SORCS1: variants seen among roughly 807,000 people sequenced by gnomAD.
The protein encoded by SORCS1 is sortilin related VPS10 domain containing receptor 1, also known as VPS10 domain-containing receptor SorCS1.
In SORCS1, 60 loss-of-function variants were observed where a neutral mutation model predicts 146.1. The observed-to-expected ratio is 0.41, with a 90% CI of 0.33 to 0.51. The LOEUF (loss-of-function observed/expected upper bound fraction) is 0.51. Ranked by LOEUF, SORCS1 falls within the 20% of genes least tolerant of loss-of-function variation. The probability of loss-of-function intolerance (pLI) is 0.21; values close to 1 mark genes in which losing one functional copy is unlikely to be tolerated. For synonymous variants in SORCS1, 637 were observed against 584.0 expected, an observed-to-expected ratio of 1.09 and a Z score of -1.31; for missense variants, 1,352 against 1,487.6, an observed-to-expected ratio of 0.91 and a Z score of 1.50.
intron 3 of SORCS1, among the ~76,000 whole-genome samples, chr10:106,797,063 C>T (rs548144723): frequency 6.6e-4 from 100 of 152,182 alleles, no homozygotes; most frequent in South Asian, 1.2e-3. Flanking sequence ...GCCGGGATCA[C>T]GCCACTGCAC....
At chr10:106,834,118 C>T (rs940331931) in intron 2 of SORCS1, among the ~76,000 whole-genome samples, 14 of 152,160 alleles carry the variant, frequency 9.2e-5, no homozygotes, top group African/African-American at 3.4e-4. Context: ...TAGTGCCCCT[C>T]TGTAAGTCCT....
chr10:106,614,094 A>T (rs1252776031), intron 21 of SORCS1, among the ~76,000 whole-genome samples: 1 of 152,180 alleles, frequency 6.6e-6, no homozygotes, highest in Non-Finnish European at 1.5e-5. Flanking sequence ...ATATAACCTC[A>T]ATCAGGATGA....
chr10:107,164,161 C>A lies in SORCS1; in HGVS notation c.366G>T (p.Glu122Asp), dbSNP rs79605277. ...GADQEKAERG[E>D]GASRSPRGVL... ...CTCCCCGGGGGCTCCGACTCGCGCC[C>A]TCTCCCCGTTCTGCCTTCTCCTGAT... Residue 122 changes from glutamate to aspartate, a missense_variant, in exon 1 of 26, where the codon GAG becomes GAT. Around this residue, in one of 3 missense-constraint regions of SORCS1, gnomAD observed 490 missense variants for 489.1 expected, o/e 1.00. Coordinates refer to ENST00000263054, the MANE Select transcript of SORCS1 (RefSeq NM_052918.5). This position sits in a 1 kb window ranked among gnomAD's most constrained non-coding sequence, Gnocchi z 6.8. 131 of 1,612,850 alleles carry A rather than the reference C, an allele frequency of 8.1e-5. 2 individuals are homozygous for A. The East Asian group carries it at 2.9e-3, about 35-fold the overall frequency.
chr10:106,959,163 G>T (rs1020018956), intron 1 of SORCS1, among the ~76,000 whole-genome samples: 3 of 152,158 alleles, frequency 2.0e-5, no homozygotes, highest in Non-Finnish European at 4.4e-5. Context: ...CCCAGGGCAG[G>T]CGGGCAGGGA....
chr10:106,656,658 T>G (rs1202563405), intron 17 of SORCS1, among the ~76,000 whole-genome samples: 3 of 115,776 alleles, frequency 2.6e-5, no homozygotes, highest in Non-Finnish European at 3.6e-5. Flanking sequence ...TTTAGTAGGT[T>G]TTTTTTTTTT....
chr10:106,812,823 C>CAAGTACCT (rs1947537637), intron 3 of SORCS1, among the ~76,000 whole-genome samples: 1 of 152,174 alleles, frequency 6.6e-6, no homozygotes, highest in East Asian at 1.9e-4. Flanking sequence ...ACAGAAAAAG[C>CAAGTACCT]AAGTACCTAC....
At chr10:106,873,228 G>A (rs745567730) in intron 2 of SORCS1, among the ~76,000 whole-genome samples, 1 of 149,022 alleles carries the variant, frequency 6.7e-6, no homozygotes, top group Non-Finnish European at 1.5e-5. Context: ...CAGGAGAATT[G>A]TTTGAACCCG....
chr10:106,600,652 C>T (rs1846182771), intron 23 of SORCS1: 1 of 985,294 alleles, frequency 1.0e-6, no homozygotes, highest in African/African-American at 1.7e-5. Flanking sequence ...TTGCTTGCTT[C>T]TTACTATCTT....
chr10:106,637,568 TG>T (rs1848801568), intron 18 of SORCS1, among the ~76,000 whole-genome samples: 1 of 152,176 alleles, frequency 6.6e-6, no homozygotes, highest in Non-Finnish European at 1.5e-5. Flanking sequence ...TGCTCTGACC[TG>T]GGGGATGAAG....
intron 19 of SORCS1, among the ~76,000 whole-genome samples, chr10:106,627,321 C>T (rs555512650): frequency 3.2e-4 from 49 of 152,066 alleles, no homozygotes; most frequent in Non-Finnish European, 4.9e-4. Context: ...GATTGGACTA[C>T]GGTAGATGTA....
intron 1 of SORCS1, among the ~76,000 whole-genome samples, chr10:106,992,072 T>C (rs920907277): frequency 6.6e-6 from 1 of 152,114 alleles, no homozygotes; most frequent in African/African-American, 2.4e-5. Flanking sequence ...AAGAGAGATA[T>C]AGAAAATAAA....
At chr10:106,604,703 T>C (rs1282841076) in intron 23 of SORCS1, among the ~76,000 whole-genome samples, 2 of 152,234 alleles carry the variant, frequency 1.3e-5, no homozygotes, top group Non-Finnish European at 2.9e-5. Context: ...CATTCATTAA[T>C]GTTTTTTCCC....
At chr10:106,833,166 C>T (rs72825301) in intron 2 of SORCS1, among the ~76,000 whole-genome samples, 3,928 of 152,256 alleles carry the variant, frequency 0.026, 74 homozygotes, top group Non-Finnish European at 0.038. Context: ...CATAATTCAT[C>T]CACCAATCCA....
chr10:106,653,126 C>T (rs1258850257), intron 17 of SORCS1, among the ~76,000 whole-genome samples: 1 of 152,168 alleles, frequency 6.6e-6, no homozygotes, highest in Non-Finnish European at 1.5e-5. Flanking sequence ...TCAAACCTCA[C>T]ATTAAAGAGA....
intron 21 of SORCS1, among the ~76,000 whole-genome samples, chr10:106,613,583 T>C (rs1589474674): frequency 1.3e-5 from 2 of 152,250 alleles, no homozygotes; most frequent in South Asian, 4.1e-4. Flanking sequence ...CTGGTGGCCT[T>C]GGTCAGTTAC....
At position 106,856,840 on chromosome 10, in the gene SORCS1, C is replaced by A. The variant is rs183036585; in HGVS notation, c.627-27167G>T. The stretch of plus-strand genomic sequence containing the variant: ...GAAGTTTCTGCTTGTTGAGTTTCTG[C>A]TCAGGTAAATTGTGATTTGCTGTGT... On this transcript the variant is annotated intron_variant, in intron 2 of 25. Coordinates refer to ENST00000263054, the MANE Select transcript of SORCS1 (RefSeq NM_052918.5). 1.7e-3 allele frequency among the ~76,000 whole-genome samples: 255 copies of A among 152,312 alleles called. 2 individuals carry two copies. Among genetic ancestry groups the A allele is most frequent in the African/African-American group, 3.4e-3 (141 of 41,566 alleles).
chr10:106,681,512 T>C (rs1402485902), intron 10 of SORCS1, among the ~76,000 whole-genome samples: 1 of 152,220 alleles, frequency 6.6e-6, no homozygotes, highest in South Asian at 2.1e-4. Flanking sequence ...TGCTTTTTTG[T>C]TGGGACATGA....
At chr10:106,820,687 A>G (rs1947980895) in intron 3 of SORCS1, among the ~76,000 whole-genome samples, 1 of 152,200 alleles carries the variant, frequency 6.6e-6, no homozygotes, top group Non-Finnish European at 1.5e-5. Context: ...AAATATCGCA[A>G]ATTTCCTGTA....
At chr10:107,070,853 T>G (rs1458929299) in intron 1 of SORCS1, among the ~76,000 whole-genome samples, 1 of 152,178 alleles carries the variant, frequency 6.6e-6, no homozygotes, top group Non-Finnish European at 1.5e-5. Context: ...ATATATATAA[T>G]TCTCCTGTGA....
Sources: allele counts gnomAD v4.1 joint callset (sites outside exome capture counted in the v4.1 genomes callset), GRCh38; gene constraint gnomAD v4.1.1; regional missense constraint gnomAD v4.1.1; non-coding constraint Gnocchi (gnomAD v3.1); transcripts MANE v1.5; gene names NCBI Gene and HGNC (gene_info 2026-07-23, HGNC 2026-07-21).